PSPH: variants seen among roughly 807,000 people sequenced by gnomAD.
The protein encoded by PSPH is phosphoserine phosphatase.
Under a neutral mutation model 23.4 loss-of-function variants are expected in PSPH, and 16 were observed. The observed-to-expected ratio is 0.68, with a 90% CI of 0.46 to 1.04. The LOEUF (loss-of-function observed/expected upper bound fraction) is 1.04, where lower values mean the gene tolerates loss of function less well. Ranked by LOEUF, PSPH falls within the 50% of genes least tolerant of loss-of-function variation. The pLI is 0.00. For missense variants in PSPH, 223 were observed against 273.7 expected, an observed-to-expected ratio of 0.81 and a Z score of 1.31; for synonymous variants, 68 against 99.7, an observed-to-expected ratio of 0.68 and a Z score of 1.89.
intron 3 of PSPH, among the ~76,000 whole-genome samples, chr7:56,027,162 G>A (rs1034705672): frequency 2.7e-5 from 4 of 149,010 alleles, no homozygotes; most frequent in African/African-American, 7.4e-5. Flanking sequence ...CCGAGATTGC[G>A]CTATTGCACC....
intron 1 of PSPH, among the ~76,000 whole-genome samples, chr7:56,045,378 A>C (rs1793088159): frequency 6.6e-6 from 1 of 150,446 alleles, no homozygotes; most frequent in African/African-American, 2.4e-5. Context: ...ATGGTGGATC[A>C]CTTGAGCCCA....
intron 1 of PSPH, among the ~76,000 whole-genome samples, chr7:56,044,986 C>T (rs542190132): frequency 4.6e-5 from 7 of 150,754 alleles, no homozygotes; most frequent in African/African-American, 9.8e-5. Context: ...GCAGGACAAT[C>T]GCTTGAACTC....
intron 1 of PSPH, among the ~76,000 whole-genome samples, chr7:56,040,758 A>T (rs1350813681): frequency 6.6e-6 from 1 of 152,060 alleles, no homozygotes; most frequent in Admixed American, 6.6e-5. Flanking sequence ...TACCAAAGTT[A>T]CATGGGAAGA....
chr7:56,032,355 A>G (rs1791109814), intron 2 of PSPH, among the ~76,000 whole-genome samples: 2 of 152,114 alleles, frequency 1.3e-5, no homozygotes, highest in African/African-American at 4.8e-5. Flanking sequence ...GGAGAACTAA[A>G]TGCAGAGACA....
chr7:56,018,502 G>A (rs932220981), intron 5 of PSPH, among the ~76,000 whole-genome samples: 3 of 152,050 alleles, frequency 2.0e-5, no homozygotes, highest in Non-Finnish European at 2.9e-5. Flanking sequence ...GGCAGAAACC[G>A]ACAGGACCAG....
At chr7:56,023,337 C>A (rs118120256) in intron 3 of PSPH, among the ~76,000 whole-genome samples, 6,670 of 152,060 alleles carry the variant, frequency 0.044, 274 homozygotes, top group East Asian at 0.21. Context: ...TGACTCACTG[C>A]AGCCTCCAAA....
chr7:56,025,505 C>T (rs1051378115), intron 3 of PSPH, among the ~76,000 whole-genome samples: 3 of 151,624 alleles, frequency 2.0e-5, no homozygotes, highest in Admixed American at 6.6e-5. Context: ...ATGATCCATG[C>T]GACTCAGCCT....
chr7:56,038,291 CAAAA>C (rs34887035), intron 1 of PSPH, among the ~76,000 whole-genome samples: 1 of 127,184 alleles, frequency 7.9e-6, no homozygotes, highest in Non-Finnish European at 1.7e-5. Context: ...ACAAAAAATA[CAAAA>C]AAAAAAAAAA....
At chr7:56,013,259 C>G (rs1283701192) in intron 7 of PSPH, among the ~76,000 whole-genome samples, 1 of 151,692 alleles carries the variant, frequency 6.6e-6, no homozygotes, top group African/African-American at 2.4e-5. Context: ...TGGCTCACAC[C>G]TGTAATCCCA....
At chr7:56,023,001 G>C (rs1333020557) in intron 3 of PSPH, among the ~76,000 whole-genome samples, 2 of 152,164 alleles carry the variant, frequency 1.3e-5, no homozygotes, top group African/African-American at 4.8e-5. Context: ...GGAGATTGCA[G>C]TGAGCCAAGA....
intron 3 of PSPH, among the ~76,000 whole-genome samples, chr7:56,024,108 T>C (rs907652414): frequency 6.6e-6 from 1 of 151,538 alleles, no homozygotes; most frequent in Non-Finnish European, 1.5e-5. Context: ...TTTGTATTTT[T>C]AGTAGAGACG....
chr7:56,050,684 T>TTATG (rs1329635355), intron 1 of PSPH, among the ~76,000 whole-genome samples: 2 of 152,218 alleles, frequency 1.3e-5, no homozygotes. Flanking sequence ...GCAGTGTGTA[T>TTATG]TATGAATTGC....
At chr7:56,015,675 T>C (rs981283798) in intron 6 of PSPH, among the ~76,000 whole-genome samples, 9 of 152,164 alleles carry the variant, frequency 5.9e-5, no homozygotes, top group Non-Finnish European at 1.0e-4. Context: ...TAATTTATTT[T>C]TGAGACAGTG....
intron 1 of PSPH, among the ~76,000 whole-genome samples, chr7:56,036,321 T>C (rs991298999): frequency 2.6e-5 from 4 of 152,148 alleles, no homozygotes; most frequent in African/African-American, 9.7e-5. Flanking sequence ...AGAATTTATT[T>C]TGTTTGAGGT....
intron 3 of PSPH, among the ~76,000 whole-genome samples, chr7:56,028,241 T>A (rs374974176): frequency 6.6e-6 from 1 of 152,076 alleles, no homozygotes; most frequent in East Asian, 1.9e-4. Flanking sequence ...TGGCTTTTTT[T>A]AGAGACAAGG....
intron 3 of PSPH, 75 bp downstream of exon 3, chr7:56,031,854 A>C (rs918904772): frequency 6.5e-6 from 1 of 153,440 alleles, no homozygotes; most frequent in Non-Finnish European, 1.5e-5. Flanking sequence ...AACGTGTAAC[A>C]GTTCAATGCG....
intron 3 of PSPH, among the ~76,000 whole-genome samples, chr7:56,030,660 A>G (rs963397948): frequency 6.6e-6 from 1 of 151,992 alleles, no homozygotes; most frequent in Non-Finnish European, 1.5e-5. Context: ...GCACTTTGGG[A>G]GGCCAAGGCG....
At chr7:56,032,857 C>A (rs1203388351) in intron 2 of PSPH, among the ~76,000 whole-genome samples, 1 of 151,268 alleles carries the variant, frequency 6.6e-6, no homozygotes, top group Admixed American at 6.6e-5. Flanking sequence ...GAGGCTGAGG[C>A]AGGAGTTTGG....
rs190154612 is a variant in PSPH at position 56,021,724 on chromosome 7, G to A, written c.-19-493C>T. On this transcript the variant is annotated intron_variant, in intron 3 of 7. Transcript: ENST00000275605. ...AGGACTTTGGGAGGCTGAGGCGGGC[G>A]GATCACGAGGTCAGGAGATCCGAGA... Among the ~76,000 whole-genome samples, 161 of 151,438 alleles carry A rather than the reference G, an allele frequency of 1.1e-3. No individual in the cohort carries two copies. The Middle Eastern group carries it at 0.027, about 26-fold the overall frequency.
Sources: gnomAD v4.1 joint callset for allele counts (sites outside exome capture counted in the v4.1 genomes callset) on GRCh38, gnomAD v4.1.1 for gene constraint, MANE v1.5 for transcripts, NCBI Gene and HGNC (gene_info 2026-07-23, HGNC 2026-07-21) for gene names.